NCOA1: variants seen among roughly 807,000 people sequenced by gnomAD.
NCOA1 encodes Hin-2 protein.
A neutral mutation model predicts 150.9 loss-of-function variants in NCOA1; 35 were observed. The observed-to-expected ratio is 0.23, with a 90% CI of 0.18 to 0.31. The LOEUF (loss-of-function observed/expected upper bound fraction) is 0.31. Ranked by LOEUF, NCOA1 falls within the 10% of genes least tolerant of loss-of-function variation. The probability of loss-of-function intolerance (pLI) is 1.00; values close to 1 mark genes in which losing one functional copy is unlikely to be tolerated. For synonymous variants in NCOA1, 590 were observed against 630.0 expected (o/e 0.94, Z 0.95); for missense variants, 1,491 against 1,749.3 (o/e 0.85, Z 2.63).
chr2:24,644,962 A>G (rs541542344), intron 4 of NCOA1, among the ~76,000 whole-genome samples: 1 of 152,272 alleles, frequency 6.6e-6, no homozygotes, highest in African/African-American at 2.4e-5. Context: ...AGGAGGCGAC[A>G]GTTGTCACTA....
At chr2:24,725,655 A>G (rs1674576738) in intron 14 of NCOA1, among the ~76,000 whole-genome samples, 1 of 151,864 alleles carries the variant, frequency 6.6e-6, no homozygotes, top group African/African-American at 2.4e-5. Flanking sequence ...ATTTCAAATA[A>G]CCATCATAGA....
intron 3 of NCOA1, among the ~76,000 whole-genome samples, chr2:24,618,855 G>A (rs1269253839): frequency 6.6e-6 from 1 of 152,024 alleles, no homozygotes; most frequent in Non-Finnish European, 1.5e-5. Flanking sequence ...TATTTATTGA[G>A]GCATGTCATG....
intron 14 of NCOA1, among the ~76,000 whole-genome samples, chr2:24,715,451 AT>A (rs922283797): frequency 6.6e-6 from 1 of 152,140 alleles, no homozygotes; most frequent in Admixed American, 6.5e-5. Flanking sequence ...TTAAAAATGC[AT>A]TTTTTTAACA....
intron 4 of NCOA1, 42 bp downstream of exon 4, chr2:24,644,164 A>G (rs1670357080): frequency 1.3e-5 from 2 of 152,196 alleles, no homozygotes; most frequent in Admixed American, 6.5e-5. Context: ...TTGTCTCTGC[A>G]AAAGTATGGA....
chr2:24,653,712 T>G (rs1670804746), intron 4 of NCOA1, among the ~76,000 whole-genome samples: 1 of 152,138 alleles, frequency 6.6e-6, no homozygotes, highest in Non-Finnish European at 1.5e-5. Flanking sequence ...CCCAGGATTA[T>G]TTTGAGAACA....
chr2:24,712,192 C>T (rs1167637956), intron 14 of NCOA1, among the ~76,000 whole-genome samples: 1 of 152,184 alleles, frequency 6.6e-6, no homozygotes, highest in African/African-American at 2.4e-5. Flanking sequence ...ACCTTATTCT[C>T]TTTATCTGCA....
At chr2:24,534,320 T>C (rs1665029277) in intron 1 of NCOA1, among the ~76,000 whole-genome samples, 1 of 152,202 alleles carries the variant, frequency 6.6e-6, no homozygotes. Context: ...TTGCATCTAT[T>C]TGATTCTTCT....
chr2:24,689,188 G>A (rs1232038563), intron 8 of NCOA1, among the ~76,000 whole-genome samples: 5 of 152,090 alleles, frequency 3.3e-5, no homozygotes, highest in Admixed American at 6.5e-5. Context: ...GCTTAGGATC[G>A]CCTTGGCTAT....
In NCOA1 at chr2:24,747,491, G is replaced by A. The variant is rs147806337; in HGVS notation, c.3707-4491G>A. Among the ~76,000 whole-genome samples the A allele has an allele frequency of 3.2e-3, 491 of 151,566 alleles. 2 individuals carry two copies. The highest frequency in any genetic ancestry group is 0.011 in the African/African-American group (468 of 41,310). On this transcript the variant is annotated intron_variant, in intron 19 of 22. Transcript: ENST00000348332. ...ACTACAGGCATGTACCACTGTGCCC[G>A]GCTAACTATTCTATTTTTTATAGAA...
intron 3 of NCOA1, among the ~76,000 whole-genome samples, chr2:24,630,539 T>G (rs1669661906): frequency 1.3e-5 from 2 of 152,234 alleles, no homozygotes; most frequent in African/African-American, 4.8e-5. Flanking sequence ...GTTCTCTTTA[T>G]TACTGGTCCA....
chr2:24,693,190 G>T (rs1672749763), intron 9 of NCOA1, 62 bp from the exon 10 acceptor site: 1 of 1,452,778 alleles, frequency 6.9e-7, no homozygotes, highest in Non-Finnish European at 9.7e-7. Context: ...TTAATGGCGA[G>T]TGATAGATAT....
At chr2:24,602,479 G>A (rs191432964) in intron 3 of NCOA1, among the ~76,000 whole-genome samples, 5 of 152,296 alleles carry the variant, frequency 3.3e-5, no homozygotes, top group African/African-American at 1.2e-4. Context: ...GGGATTACGG[G>A]CATGTGCCAC....
intron 6 of NCOA1, among the ~76,000 whole-genome samples, chr2:24,671,087 A>G (rs1671660309): frequency 6.6e-6 from 1 of 152,186 alleles, no homozygotes. Context: ...GGAAATACCA[A>G]AAATAGTTTA....
chr2:24,693,831 G>GA (rs1327985961), intron 10 of NCOA1, among the ~76,000 whole-genome samples: 1 of 151,904 alleles, frequency 6.6e-6, no homozygotes, highest in African/African-American at 2.4e-5. Context: ...GTATATGGTT[G>GA]AACAAAAATG....
At chr2:24,698,918 A>G (rs1031606128) in intron 11 of NCOA1, among the ~76,000 whole-genome samples, 3 of 152,174 alleles carry the variant, frequency 2.0e-5, no homozygotes, top group Non-Finnish European at 4.4e-5. Context: ...ATCACAATCC[A>G]GGTATTTCTG....
At chr2:24,691,458 C>T in intron 8 of NCOA1, 23 bp from the exon 9 acceptor site, 1 of 1,609,494 alleles carries the variant, frequency 6.2e-7, no homozygotes, top group Non-Finnish European at 8.5e-7. Context: ...TTCGCAAGCA[C>T]ATAATCAATT....
chr2:24,526,763 C>A (rs1254824168), intron 1 of NCOA1, among the ~76,000 whole-genome samples: 6 of 151,122 alleles, frequency 4.0e-5, no homozygotes, highest in African/African-American at 1.5e-4. Context: ...AGGTGTACAA[C>A]ATGATGTTAT....
chr2:24,658,534 C>T, intron 4 of NCOA1, 127 bp from the exon 5 acceptor site: 1 of 617,226 alleles, frequency 1.6e-6, no homozygotes, highest in South Asian at 2.0e-5. Flanking sequence ...TTTATGATGG[C>T]TGTAATTATC....
At chr2:24,662,477 G>A (rs1339726979) in intron 5 of NCOA1, among the ~76,000 whole-genome samples, 2 of 152,008 alleles carry the variant, frequency 1.3e-5, no homozygotes, top group South Asian at 2.1e-4. Context: ...CTGTCTTTAG[G>A]GAGCTTACAA....
Sources: allele counts gnomAD v4.1 joint callset (sites outside exome capture counted in the v4.1 genomes callset), GRCh38; gene constraint gnomAD v4.1.1; transcripts MANE v1.5; gene names NCBI Gene and HGNC (gene_info 2026-07-23, HGNC 2026-07-21).